The following CACNA2D1 variants were observed in gnomAD, a reference collection of about 807,000 sequenced individuals.
CACNA2D1 encodes the protein voltage-dependent calcium channel subunit alpha-2/delta-1.
Under a neutral mutation model 171.5 loss-of-function variants are expected in CACNA2D1, and 53 were observed. The ratio of observed to expected loss-of-function variants is 0.31; its 90% confidence interval spans 0.25 to 0.39. CACNA2D1 has a LOEUF of 0.39. CACNA2D1 is among the 10% of genes least tolerant of loss of function. The probability of loss-of-function intolerance (pLI) is 1.00; values close to 1 mark genes in which losing one functional copy is unlikely to be tolerated. For synonymous variants in CACNA2D1, 442 were observed against 443.1 expected (o/e 1.00, Z 0.03); for missense variants, 903 against 1,299.8 (o/e 0.69, Z 4.69).
chr7:82,334,217 C>T (rs562151721), intron 3 of CACNA2D1, among the ~76,000 whole-genome samples: 1 of 152,136 alleles, frequency 6.6e-6, no homozygotes, highest in South Asian at 2.1e-4. Context: ...TCAATGTGGG[C>T]TCATATATAA....
At chr7:82,075,594 C>A (rs547092741) in intron 7 of CACNA2D1, among the ~76,000 whole-genome samples, 2 of 152,142 alleles carry the variant, frequency 1.3e-5, no homozygotes, top group African/African-American at 4.8e-5. Context: ...AATTAGATGA[C>A]AATAATGACA....
intron 3 of CACNA2D1, among the ~76,000 whole-genome samples, chr7:82,220,647 A>G (rs528857983): frequency 1.3e-5 from 2 of 152,206 alleles, no homozygotes. Flanking sequence ...GAGTTTTAAA[A>G]TAAGATGAGT....
intron 10 of CACNA2D1, chr7:82,051,080 A>G (rs1805144232): frequency 6.1e-6 from 1 of 165,086 alleles, no homozygotes; most frequent in Non-Finnish European, 1.3e-5. Context: ...TACTTGATAT[A>G]AACCAACATA....
At chr7:82,058,704 T>G (rs1806239706) in intron 10 of CACNA2D1, among the ~76,000 whole-genome samples, 1 of 152,180 alleles carries the variant, frequency 6.6e-6, no homozygotes, top group Admixed American at 6.5e-5. Context: ...CTTCTGAAGG[T>G]TCAGATGAAG....
intron 1 of CACNA2D1, among the ~76,000 whole-genome samples, chr7:82,352,577 C>A (rs559201173): frequency 1.3e-5 from 2 of 152,066 alleles, no homozygotes; most frequent in Non-Finnish European, 2.9e-5. Context: ...GGAAAAGACA[C>A]TAAAAGATGG....
At chr7:82,420,953 T>G (rs1284233540) in intron 1 of CACNA2D1, among the ~76,000 whole-genome samples, 2 of 152,180 alleles carry the variant, frequency 1.3e-5, no homozygotes, top group Non-Finnish European at 2.9e-5. Flanking sequence ...ACATCTTTAT[T>G]CTTCTTATCC....
At chr7:81,978,770 T>TATATATATAC (rs772536703) in intron 24 of CACNA2D1, among the ~76,000 whole-genome samples, 43 of 144,016 alleles carry the variant, frequency 3.0e-4, no homozygotes, top group African/African-American at 7.7e-4. Flanking sequence ...TATATATATA[T>TATATATATAC]ACACACACAC....
chr7:82,224,799 G>T (rs921035180), intron 3 of CACNA2D1, among the ~76,000 whole-genome samples: 1 of 152,016 alleles, frequency 6.6e-6, no homozygotes, highest in African/African-American at 2.4e-5. Flanking sequence ...CAAAATGTGC[G>T]ATGACAGATG....
At chr7:82,264,719 C>T (rs1585265469) in intron 3 of CACNA2D1, among the ~76,000 whole-genome samples, 1 of 152,318 alleles carries the variant, frequency 6.6e-6, no homozygotes, top group African/African-American at 2.4e-5. Context: ...TGTCTCACAG[C>T]TGCACTTTCC....
intron 3 of CACNA2D1, among the ~76,000 whole-genome samples, chr7:82,232,510 T>A (rs1803052512): frequency 6.6e-6 from 1 of 152,186 alleles, no homozygotes; most frequent in South Asian, 2.1e-4. Context: ...CAGTATCATC[T>A]AATTTAATGC....
chr7:82,405,329 T>C (rs900405465), intron 1 of CACNA2D1, among the ~76,000 whole-genome samples: 1 of 152,174 alleles, frequency 6.6e-6, no homozygotes, highest in African/African-American at 2.4e-5. Context: ...CTTTTACTAA[T>C]AAAAGGACAT....
intron 3 of CACNA2D1, among the ~76,000 whole-genome samples, chr7:82,174,358 T>C (rs17155983): frequency 5.8e-4 from 88 of 152,194 alleles, no homozygotes; most frequent in African/African-American, 2.0e-3. Context: ...TAAATGGCTT[T>C]ATTGTAACTG....
At chr7:82,196,100 T>C (rs897181598) in intron 3 of CACNA2D1, among the ~76,000 whole-genome samples, 18 of 152,034 alleles carry the variant, frequency 1.2e-4, no homozygotes, top group African/African-American at 4.3e-4. Flanking sequence ...TTGATCCCCC[T>C]ACCCACAGCC....
intron 3 of CACNA2D1, among the ~76,000 whole-genome samples, chr7:82,290,924 C>G (rs1440023898): frequency 2.0e-5 from 3 of 150,974 alleles, no homozygotes; most frequent in Non-Finnish European, 4.4e-5. Context: ...AGCCTGCCAC[C>G]TTCCCCACTC....
At chr7:82,441,697 C>T (rs942940379) in intron 1 of CACNA2D1, among the ~76,000 whole-genome samples, 2 of 152,036 alleles carry the variant, frequency 1.3e-5, no homozygotes, top group African/African-American at 4.8e-5. Flanking sequence ...GTATCCCCTC[C>T]CATGATAAAA....
intron 3 of CACNA2D1, among the ~76,000 whole-genome samples, chr7:82,193,384 G>C (rs1303575471): frequency 6.6e-6 from 1 of 151,882 alleles, no homozygotes; most frequent in African/African-American, 2.4e-5. Context: ...AAATATCTGG[G>C]ATATTTTAGC....
chr7:82,175,811 T>C (rs1796491016), intron 3 of CACNA2D1, among the ~76,000 whole-genome samples: 1 of 152,050 alleles, frequency 6.6e-6, no homozygotes, highest in African/African-American at 2.4e-5. Flanking sequence ...ATATCTAGCA[T>C]AATACAAACT....
intron 3 of CACNA2D1, among the ~76,000 whole-genome samples, chr7:82,303,452 T>TAAAAAAAAAA (rs573316819): frequency 8.2e-6 from 1 of 122,374 alleles, no homozygotes; most frequent in Admixed American, 8.3e-5. Context: ...TGTATGTAAC[T>TAAAAAAAAAA]AAAAAAAAAA....
chr7:82,312,340 A>T lies in CACNA2D1; in HGVS notation c.294+22795T>A, dbSNP rs1020596374. 2.6e-5 allele frequency among the ~76,000 whole-genome samples: 4 copies of T among 152,086 alleles called. No individual in the cohort carries two copies. In the South Asian group the frequency reaches 8.3e-4, roughly 32 times the overall value. ...TCCAATCTACTGTTTCCAATTTTTC[A>T]TCCACCATTCTGACTTAAAAATCAC... On this transcript the variant is annotated intron_variant, in intron 3 of 38. Coordinates refer to ENST00000356860, the MANE Select transcript of CACNA2D1 (RefSeq NM_000722.4).
Sources: gnomAD v4.1 joint callset for allele counts (sites outside exome capture counted in the v4.1 genomes callset) on GRCh38, gnomAD v4.1.1 for gene constraint, MANE v1.5 for transcripts, NCBI Gene and HGNC (gene_info 2026-07-23, HGNC 2026-07-21) for gene names.